The following LRRC4C variants were observed in gnomAD, a reference collection of about 807,000 sequenced individuals.
The protein encoded by LRRC4C is leucine rich repeat containing 4C, also known as leucine-rich repeat-containing protein 4C.
A neutral mutation model predicts 33.6 loss-of-function variants in LRRC4C; 5 were observed. The ratio of observed to expected loss-of-function variants is 0.15; its 90% CI spans 0.08 to 0.31. The LOEUF is 0.31. Among genes scored for constraint, LRRC4C ranks in the 10% least tolerant of loss-of-function variants. LRRC4C has a pLI of 1.00. For synonymous variants in LRRC4C, 329 were observed against 302.0 expected (o/e 1.09, Z -0.93); for missense variants, 560 against 796.7 (o/e 0.70, Z 3.58).
At chr11:40,891,194 G>A (rs752051548) in intron 2 of LRRC4C, among the ~76,000 whole-genome samples, 6 of 152,000 alleles carry the variant, frequency 3.9e-5, no homozygotes, top group Non-Finnish European at 7.4e-5. Context: ...CTGAGATCGC[G>A]CCCCTGCACT....
chr11:40,842,895 T>C (rs1952976092), intron 2 of LRRC4C, among the ~76,000 whole-genome samples: 1 of 152,100 alleles, frequency 6.6e-6, no homozygotes, highest in Admixed American at 6.6e-5. Flanking sequence ...CTCCAAACAC[T>C]CTTTTTGTAG....
chr11:40,953,702 C>T (rs900479604), intron 1 of LRRC4C, among the ~76,000 whole-genome samples: 1 of 151,654 alleles, frequency 6.6e-6, no homozygotes, highest in Non-Finnish European at 1.5e-5. Flanking sequence ...GACCATGTGG[C>T]ATAAAGAACA....
At chr11:40,630,278 A>G (rs1963338088) in intron 3 of LRRC4C, among the ~76,000 whole-genome samples, 1 of 152,044 alleles carries the variant, frequency 6.6e-6, no homozygotes, top group South Asian at 2.1e-4. Flanking sequence ...TAGTTTAAAG[A>G]TGCAGAACTT....
chr11:41,367,973 T>A (rs1002574959), intron 1 of LRRC4C, among the ~76,000 whole-genome samples: 2 of 152,202 alleles, frequency 1.3e-5, no homozygotes, highest in African/African-American at 4.8e-5. Flanking sequence ...AAGAGCAATT[T>A]TTTTGCCTTA....
chr11:41,099,840 C>G (rs1264391693), intron 1 of LRRC4C, among the ~76,000 whole-genome samples: 6 of 151,998 alleles, frequency 3.9e-5, no homozygotes, highest in Non-Finnish European at 8.8e-5. Flanking sequence ...CTGGCCAGAG[C>G]AGTCAGCCAA....
chr11:41,317,149 C>A (rs1320841925), intron 1 of LRRC4C, among the ~76,000 whole-genome samples: 1 of 152,192 alleles, frequency 6.6e-6, no homozygotes, highest in Non-Finnish European at 1.5e-5. Context: ...AGCTTCACTC[C>A]AAATTAGTCT....
intron 3 of LRRC4C, among the ~76,000 whole-genome samples, chr11:40,381,100 T>C (rs1276244848): frequency 6.6e-6 from 1 of 152,082 alleles, no homozygotes; most frequent in Non-Finnish European, 1.5e-5. Flanking sequence ...TTTAATCTTA[T>C]GGAAAATAAC....
chr11:40,781,424 G>C (rs925998441), intron 2 of LRRC4C, among the ~76,000 whole-genome samples: 1 of 151,914 alleles, frequency 6.6e-6, no homozygotes, highest in East Asian at 1.9e-4. Context: ...AAATCCCAAG[G>C]CTTCACTTTA....
chr11:40,405,530 G>A (rs1032801867), intron 3 of LRRC4C, among the ~76,000 whole-genome samples: 2 of 149,824 alleles, frequency 1.3e-5, no homozygotes, highest in African/African-American at 2.5e-5. Flanking sequence ...CCAGCTACTC[G>A]GGAGGCTGAG....
rs1943880767 is a variant in LRRC4C at position 40,286,905 on chromosome 11, T to A, written c.-176+32723A>T. On this transcript the variant is annotated intron_variant, in intron 4 of 6. Transcript: ENST00000528697. ...CATTTCCTTCACCTTTTTACCCACA[T>A]ATCTGCCATTTTAACACAATTCTGC... Among the ~76,000 whole-genome samples the A allele has an allele frequency of 3.3e-5, 5 of 152,162 alleles. 1 individual carries two copies. In the South Asian group the frequency reaches 1.0e-3, roughly 32 times the overall value.
chr11:41,387,607 G>A (rs1019245042), intron 1 of LRRC4C, among the ~76,000 whole-genome samples: 1 of 151,634 alleles, frequency 6.6e-6, no homozygotes. Flanking sequence ...ATGGAATATA[G>A]GTGCTTGTCA....
chr11:41,303,198 C>A (rs1030896050), intron 1 of LRRC4C, among the ~76,000 whole-genome samples: 1 of 149,660 alleles, frequency 6.7e-6, no homozygotes, highest in Admixed American at 6.7e-5. Flanking sequence ...AACCTCCCTG[C>A]CTGATTCTCC....
intron 2 of LRRC4C, among the ~76,000 whole-genome samples, chr11:40,734,857 T>C (rs1180889232): frequency 6.6e-6 from 1 of 151,954 alleles, no homozygotes; most frequent in East Asian, 1.9e-4. Context: ...TGTGAGGGTG[T>C]TTCCAGAAGA....
Position 41,438,064 on chromosome 11 carries a change from A to AATAC in LRRC4C, c.-496+21366_-496+21367insGTAT, listed in dbSNP as rs1555171622. Among the ~76,000 whole-genome samples the AATAC allele has an allele frequency of 1.1e-3, 164 of 148,664 alleles. 2 individuals are homozygous for AATAC. Among genetic ancestry groups the AATAC allele is most frequent in the East Asian group, 4.7e-3 (24 of 5,132 alleles). On this transcript the variant is annotated intron_variant, in intron 1 of 6. Transcript: ENST00000528697. ...AAATAAATAAATAAATAAATAAATA[A>AATAC]ATAAATAATAAAAAAAAATAATTAC...
intron 4 of LRRC4C, among the ~76,000 whole-genome samples, chr11:40,283,659 G>A (rs945686369): frequency 4.0e-5 from 6 of 150,474 alleles, no homozygotes; most frequent in Admixed American, 1.3e-4. Flanking sequence ...TTAGATGTGG[G>A]AGATGACAAG....
intron 1 of LRRC4C, among the ~76,000 whole-genome samples, chr11:41,236,853 T>C (rs911681460): frequency 6.6e-6 from 1 of 152,196 alleles, no homozygotes; most frequent in African/African-American, 2.4e-5. Flanking sequence ...AATTTTACAC[T>C]CTTCAAAATG....
At chr11:40,907,312 C>T (rs1467672937) in intron 2 of LRRC4C, among the ~76,000 whole-genome samples, 2 of 152,174 alleles carry the variant, frequency 1.3e-5, no homozygotes, top group African/African-American at 4.8e-5. Flanking sequence ...GAGTCTCTCG[C>T]TAAACATGCT....
chr11:40,115,999 G>C lies in LRRC4C; in HGVS notation c.294C>G (p.His98Gln). The C allele has an allele frequency of 1.7e-5, 27 of 1,614,114 alleles. No individual in the cohort carries two copies. Among genetic ancestry groups the C allele is most frequent in the Non-Finnish European group, 2.3e-5 (27 of 1,180,018 alleles). ...IQIIKVNSFK[H>Q]LRHLEILQLS... ...ACTGTAGGATTTCCAAGTGTCTCAA[G>C]TGCTTGAAGCTGTTCACTTTGATGA... The change falls in exon 7 of 7, where the codon CAC becomes CAG. Residue 98 changes from histidine (H) to glutamine (Q), a missense_variant. Coordinates refer to ENST00000528697, the MANE Select transcript of LRRC4C (RefSeq NM_001258419.2). This position sits in a 1 kb window ranked among gnomAD's most constrained non-coding sequence, Gnocchi z 6.7.
At chr11:40,992,052 T>C (rs539006854) in intron 1 of LRRC4C, among the ~76,000 whole-genome samples, 3 of 152,314 alleles carry the variant, frequency 2.0e-5, no homozygotes, top group African/African-American at 7.2e-5. Context: ...GAAATTAACC[T>C]TTTAAAAACA....
Sources: allele counts gnomAD v4.1 joint callset (sites outside exome capture counted in the v4.1 genomes callset), GRCh38; gene constraint gnomAD v4.1.1; non-coding constraint Gnocchi (gnomAD v3.1); transcripts MANE v1.5; gene names NCBI Gene and HGNC (gene_info 2026-07-23, HGNC 2026-07-21).